Variants in ATAD5 observed in about 807,000 individuals in gnomAD.
ATAD5 encodes the protein ATPase family AAA domain-containing protein 5.
Under a neutral mutation model 176.9 loss-of-function variants are expected in ATAD5, and 58 were observed. That is an observed-to-expected ratio of 0.33 (90% CI 0.27 to 0.41). The LOEUF (loss-of-function observed/expected upper bound fraction) is 0.41, where lower values mean the gene tolerates loss of function less well. ATAD5 is among the 10% of genes least tolerant of loss of function. The probability of loss-of-function intolerance (pLI) is 1.00; values close to 1 mark genes in which losing one functional copy is unlikely to be tolerated. For synonymous variants in ATAD5, 640 were observed against 712.6 expected (o/e 0.90, Z 1.62); for missense variants, 1,789 against 2,094.1 (o/e 0.85, Z 2.84).
intron 6 of ATAD5, among the ~76,000 whole-genome samples, chr17:30,850,786 TAAA>T (rs1164746579): frequency 7.4e-6 from 1 of 135,728 alleles, no homozygotes; most frequent in Admixed American, 7.7e-5. Flanking sequence ...AATCATATAT[TAAA>T]AAATCATTAT....
chr17:30,845,538 G>A (rs938124645), intron 6 of ATAD5, among the ~76,000 whole-genome samples: 1 of 152,144 alleles, frequency 6.6e-6, no homozygotes, highest in Non-Finnish European at 1.5e-5. Context: ...AAAACTGATA[G>A]AATGCTAGTG....
At chr17:30,860,672 A>G in intron 10 of ATAD5, 60 bp downstream of exon 10, 1 of 1,337,144 alleles carries the variant, frequency 7.5e-7, no homozygotes, top group Non-Finnish European at 1.0e-6. Context: ...CAAAGTGGAA[A>G]CCAAAGCAGT....
Position 30,844,816 on chromosome 17 carries a change from A to G in ATAD5, c.2369-19A>G, listed in dbSNP as rs760372984. The G allele has an allele frequency of 3.7e-5, 57 of 1,545,798 alleles. No homozygotes were observed. Among genetic ancestry groups the G allele is most frequent in the Non-Finnish European group, 4.1e-5 (46 of 1,133,184 alleles). ...AGATGGTAAACATTGATACTAACCCAAGTATTTATTTTTCTAAGGAAAAAT... is the reference window on the plus strand; with the variant it reads ...AGATGGTAAACATTGATACTAACCCGAGTATTTATTTTTCTAAGGAAAAAT... On this transcript the variant is annotated intron_variant, in intron 5 of 22. Coordinates refer to ENST00000321990, the MANE Select transcript of ATAD5 (RefSeq NM_024857.5).
Sources: gnomAD v4.1 joint callset for allele counts (sites outside exome capture counted in the v4.1 genomes callset) on GRCh38, gnomAD v4.1.1 for gene constraint, MANE v1.5 for transcripts, NCBI Gene and HGNC (gene_info 2026-07-23, HGNC 2026-07-21) for gene names.